The following TET3 variants were observed in gnomAD, a reference collection of about 807,000 sequenced individuals.
TET3 encodes the protein methylcytosine dioxygenase TET3.
TET3 carries 19 observed loss-of-function variants against 141.4 expected under a neutral mutation model. The observed-to-expected ratio is 0.13, with a 90% CI of 0.09 to 0.20. The LOEUF is 0.20. TET3 is among the 10% of genes least tolerant of loss of function. The pLI is 1.00. For missense variants in TET3, 1,874 were observed against 2,356.9 expected (o/e 0.80, Z 4.24); for synonymous variants, 1,043 against 980.9 (o/e 1.06, Z -1.18).
chr2:73,985,403 C>A (rs1440186586), intron 1 of TET3, among the ~76,000 whole-genome samples: 1 of 144,012 alleles, frequency 6.9e-6, no homozygotes, highest in South Asian at 2.1e-4. Context: ...ACAAAGGAGC[C>A]CGAGCGGCGG....
intron 3 of TET3, among the ~76,000 whole-genome samples, chr2:74,005,261 T>G (rs1685093538): frequency 6.6e-6 from 1 of 152,154 alleles, no homozygotes; most frequent in Admixed American, 6.5e-5. Context: ...TACTTGAAAA[T>G]CCAGAGGAAG....
In TET3 at chr2:74,084,689, G is replaced by A. The variant is rs949521114; in HGVS notation, c.2680-3141G>A. Among the ~76,000 whole-genome samples, 8 of 152,144 alleles carry A rather than the reference G, an allele frequency of 5.3e-5. No individual in the cohort carries two copies. The East Asian group carries it at 7.7e-4, about 15-fold the overall frequency. On this transcript the variant is annotated intron_variant, in intron 6 of 11. Coordinates refer to ENST00000409262, the MANE Select transcript of TET3 (RefSeq NM_001287491.2). ...AGGATGGTCTCGATCTCCTGACCTC[G>A]TGATCCACCCGCCTCGGCCTCCCAA... is the stretch of plus-strand genomic sequence containing the variant.
chr2:74,069,800 A>G (rs548408909), intron 4 of TET3, among the ~76,000 whole-genome samples: 81 of 152,098 alleles, frequency 5.3e-4, no homozygotes, highest in Non-Finnish European at 7.8e-4. Flanking sequence ...GGGTCTCACT[A>G]TGTTGCCCAA....
At chr2:74,001,260 C>T (rs1354450681) in intron 2 of TET3, among the ~76,000 whole-genome samples, 2 of 152,170 alleles carry the variant, frequency 1.3e-5, no homozygotes, top group Non-Finnish European at 2.9e-5. Context: ...TTTGGGCCCC[C>T]GGGGAGGGGA....
chr2:74,118,892 T>A, the TET3 span, among the ~76,000 whole-genome samples: 1 of 152,230 alleles, frequency 6.6e-6, no homozygotes. Flanking sequence ...TGAGTTCATA[T>A]TCAAATTTAT....
chr2:74,101,819 G>A lies in TET3; in HGVS notation c.5031G>A (p.Pro1677=), dbSNP rs200277590. The part of the protein sequence containing the change: ...CARRELHATT[P]LKKPNRCHPT... Reference sequence around the variant, plus strand: ...GGCGGGAGCTGCACGCCACCACGCCGCTTAAGAAGCCCAACCGCTGCCACC... The same window carrying A: ...GGCGGGAGCTGCACGCCACCACGCCACTTAAGAAGCCCAACCGCTGCCACC... The change falls in exon 12 of 12, where the codon CCG becomes CCA. Residue 1677 remains proline (P), a synonymous_variant. Transcript: ENST00000409262. This position sits in a 1 kb window ranked among gnomAD's most constrained non-coding sequence, Gnocchi z 8.5. 3.5e-5 allele frequency: 56 copies of A among 1,612,972 alleles called. No homozygotes were observed. The highest frequency in any genetic ancestry group is 1.6e-4 in the Middle Eastern group (1 of 6,062).
At chr2:73,994,983 C>T (rs564431319) in intron 2 of TET3, among the ~76,000 whole-genome samples, 9 of 151,558 alleles carry the variant, frequency 5.9e-5, no homozygotes, top group South Asian at 2.1e-4. Context: ...TTTGTTTTGA[C>T]GGAGTCTTGC....
At chr2:74,122,509 A>ATTTTTTTTTTTTTT in the TET3 span, 1 of 76,262 alleles carries the variant, frequency 1.3e-5, no homozygotes, top group Non-Finnish European at 2.4e-5. Flanking sequence ...ATATATATAT[A>ATTTTTTTTTTTTTT]TATTTTTTTT....
intron 3 of TET3, among the ~76,000 whole-genome samples, chr2:74,041,972 A>G (rs752859808): frequency 3.9e-5 from 6 of 152,132 alleles, no homozygotes; most frequent in Non-Finnish European, 5.9e-5. Flanking sequence ...ACATAGCTTT[A>G]TCCCTTCTAT....
chr2:74,093,711 G>A lies in TET3; in HGVS notation c.3267+45G>A. On this transcript the variant is annotated intron_variant, in intron 10 of 11. Transcript: ENST00000409262. The surrounding 1 kb of genome is among the most constrained non-coding windows in gnomAD (Gnocchi z 4.2). Reference sequence around the variant, plus strand: ...TAGCCCCACCTGTGGGGCAACTGTGGGAGGGAGTCCACCGTGGTCTTTTCA... The same window carrying A: ...TAGCCCCACCTGTGGGGCAACTGTGAGAGGGAGTCCACCGTGGTCTTTTCA... The A allele has an allele frequency of 6.6e-7, 1 of 1,518,484 alleles. No individual in the cohort carries two copies. The allele number at this position is 1,518,484 out of a possible 1,614,324, so 94.1% of individuals were successfully genotyped here.
At chr2:74,023,534 C>T (rs1419094738) in intron 3 of TET3, among the ~76,000 whole-genome samples, 3 of 152,178 alleles carry the variant, frequency 2.0e-5, no homozygotes, top group East Asian at 1.9e-4. Context: ...TGAGCCACAG[C>T]GCACAGTTTA....
chr2:74,049,222 A>C (rs1687812141), intron 4 of TET3, among the ~76,000 whole-genome samples: 1 of 152,114 alleles, frequency 6.6e-6, no homozygotes, highest in African/African-American at 2.4e-5. Flanking sequence ...GTTCACTGAT[A>C]ACTCGGATTG....
Position 74,073,555 on chromosome 2 carries a change from T to C in TET3, c.2501T>C (p.Ile834Thr). 1 of 1,606,632 alleles carries C rather than the reference T, an allele frequency of 6.2e-7. No homozygotes were observed. The highest frequency in any genetic ancestry group is 8.5e-7 in the Non-Finnish European group (1 of 1,177,262). Residue 834 changes from isoleucine (I) to threonine (T), a missense_variant, in exon 5 of 12, where the codon ATA becomes ACA. Physicochemically the swap from Ile to Thr is moderately conservative, Grantham distance 89. Coordinates refer to ENST00000409262, the MANE Select transcript of TET3 (RefSeq NM_001287491.2). ...EFPTCDCVEQ[I>T]VEKDEGPYYT... ...ACTCTCTGTGTTTCTGCAGAACAAA[T>C]AGTGGAGAAAGATGAAGGTCCATAT...
chr2:74,011,637 T>A lies in TET3; in HGVS notation c.360+8471T>A, dbSNP rs1189263774. On this transcript the variant is annotated intron_variant, in intron 3 of 11. Coordinates refer to ENST00000409262, the MANE Select transcript of TET3 (RefSeq NM_001287491.2). ...GTTTCTTTTCTACCTGGGCCTTAGG[T>A]GTCCCAGTCCCCTATCTTCGGTGAA... 2.0e-5 allele frequency among the ~76,000 whole-genome samples: 3 copies of A among 152,256 alleles called. No homozygotes were observed. The East Asian group carries it at 5.8e-4, about 29-fold the overall frequency.
chr2:74,093,744 A>G lies in TET3; in HGVS notation c.3267+78A>G. On this transcript the variant is annotated intron_variant, in intron 10 of 11. Coordinates refer to ENST00000409262, the MANE Select transcript of TET3 (RefSeq NM_001287491.2). The surrounding 1 kb of genome is among the most constrained non-coding windows in gnomAD (Gnocchi z 4.2). Reference sequence around the variant, plus strand: ...TCCACCGTGGTCTTTTCAGAAAGGCAGGCTGAGGGTAGGGAGGGACCTGGA... The same window carrying G: ...TCCACCGTGGTCTTTTCAGAAAGGCGGGCTGAGGGTAGGGAGGGACCTGGA... 1 of 1,455,044 alleles carries G rather than the reference A, an allele frequency of 6.9e-7. No individual in the cohort carries two copies. Among genetic ancestry groups the G allele is most frequent in the South Asian group, 1.4e-5 (1 of 69,124 alleles). The allele number at this position is 1,455,044 out of a possible 1,614,324, so 90.1% of individuals were successfully genotyped here.
At chr2:74,060,301 C>T (rs1271915784) in intron 4 of TET3, among the ~76,000 whole-genome samples, 1 of 152,106 alleles carries the variant, frequency 6.6e-6, no homozygotes, top group African/African-American at 2.4e-5. Flanking sequence ...CATTTCTGTT[C>T]AAGTTCCGGT....
chr2:74,069,130 C>T (rs1444947042), intron 4 of TET3, among the ~76,000 whole-genome samples: 2 of 148,272 alleles, frequency 1.3e-5, no homozygotes, highest in African/African-American at 2.6e-5. Context: ...TTCCTTCTAG[C>T]ACGTGTATAG....
rs1691329810 is a variant in TET3, at chr2:74,103,254, T to TGTGCATGGTGCTGTGCG, written c.*1080_*1096dup. On this transcript the variant is annotated 3_prime_UTR_variant, in exon 12 of 12. Coordinates refer to ENST00000409262, the MANE Select transcript of TET3 (RefSeq NM_001287491.2). ...AAGCTGTGAAAAGCCAGTGGTGCTC[T>TGTGCATGGTGCTGTGCG]GTGCATGGTGCTGTGCGGAGCCTGG... 1 of 152,626 alleles carries TGTGCATGGTGCTGTGCG rather than the reference T, an allele frequency of 6.6e-6. No homozygotes were observed. The highest frequency in any genetic ancestry group is 1.5e-5 in the Non-Finnish European group (1 of 68,168). The allele number at this position is 152,626 out of a possible 1,614,324, so 9.5% of individuals were successfully genotyped here.
In TET3 at chr2:74,093,064, G is replaced by A. The variant is rs1690598261; in HGVS notation, c.3129+73G>A. ...TCTGCTCAGGCTCTGAAGGTGGGAA[G>A]TGGGAGAGTGGGCTCTTTTACTCTC... On this transcript the variant is annotated intron_variant, in intron 9 of 11. Transcript: ENST00000409262. The surrounding 1 kb of genome is among the most constrained non-coding windows in gnomAD (Gnocchi z 4.2). 7.5e-7 allele frequency: 1 copy of A among 1,337,498 alleles called. No homozygotes were observed. Among genetic ancestry groups the A allele is most frequent in the Non-Finnish European group, 1.0e-6 (1 of 954,880 alleles). 82.9% of individuals were successfully genotyped at this position (1,337,498 alleles called of 1,614,324 possible). A position where few individuals can be genotyped will look rare whatever the true frequency, so the allele number is the denominator to read the frequency against.
Sources: allele counts gnomAD v4.1 joint callset (sites outside exome capture counted in the v4.1 genomes callset), GRCh38; gene constraint gnomAD v4.1.1; non-coding constraint Gnocchi (gnomAD v3.1); transcripts MANE v1.5; gene names NCBI Gene and HGNC (gene_info 2026-07-23, HGNC 2026-07-21).